Variants in XYLT1 observed in about 807,000 individuals in gnomAD.
The protein encoded by XYLT1 is beta-D-xylosyltransferase 1.
A neutral mutation model predicts 91.3 loss-of-function variants in XYLT1; 36 were observed. The ratio of observed to expected loss-of-function variants is 0.39; its 90% CI spans 0.30 to 0.52. The LOEUF (loss-of-function observed/expected upper bound fraction) is 0.52. XYLT1 is among the 20% of genes least tolerant of loss of function. XYLT1 has a pLI of 0.68. For synonymous variants in XYLT1, 588 were observed against 532.0 expected, an observed-to-expected ratio of 1.11 and a Z score of -1.45; for missense variants, 1,242 against 1,284.5, an observed-to-expected ratio of 0.97 and a Z score of 0.51.
intron 2 of XYLT1, among the ~76,000 whole-genome samples, chr16:17,320,718 G>A (rs1432537308): frequency 6.6e-6 from 1 of 151,276 alleles, no homozygotes; most frequent in African/African-American, 2.4e-5. Flanking sequence ...CTGACCTCGT[G>A]ATCTGCCCAC....
chr16:17,331,020 G>C (rs2034890059), intron 2 of XYLT1, among the ~76,000 whole-genome samples: 1 of 152,228 alleles, frequency 6.6e-6, no homozygotes, highest in Admixed American at 6.5e-5. Context: ...CACAAAGGGA[G>C]GGCTTATGCT....
At chr16:17,233,423 T>G (rs957282204) in intron 3 of XYLT1, among the ~76,000 whole-genome samples, 1 of 152,224 alleles carries the variant, frequency 6.6e-6, no homozygotes, top group Non-Finnish European at 1.5e-5. Context: ...TGATGGAGAC[T>G]TCTGACTGCG....
intron 3 of XYLT1, among the ~76,000 whole-genome samples, chr16:17,239,628 T>G (rs2033313689): frequency 7.0e-6 from 1 of 142,536 alleles, no homozygotes; most frequent in African/African-American, 2.6e-5. Flanking sequence ...TGCATCCCAT[T>G]CATCCATCCA....
intron 1 of XYLT1, among the ~76,000 whole-genome samples, chr16:17,452,303 T>A (rs1287997882): frequency 1.5e-5 from 2 of 130,468 alleles, no homozygotes; most frequent in Non-Finnish European, 3.1e-5. Context: ...CTCAGTTTTT[T>A]TCTTTTTTTT....
At chr16:17,239,652 CCCAT>C (rs1008427188) in intron 3 of XYLT1, among the ~76,000 whole-genome samples, 5 of 151,268 alleles carry the variant, frequency 3.3e-5, no homozygotes, top group South Asian at 2.1e-4. Flanking sequence ...ATCCGCCCAG[CCCAT>C]CCATCCATGT....
chr16:17,136,845 A>G (rs1381187920), intron 8 of XYLT1, among the ~76,000 whole-genome samples: 1 of 152,132 alleles, frequency 6.6e-6, no homozygotes, highest in Non-Finnish European at 1.5e-5. Flanking sequence ...CAATGTCCCC[A>G]GGATGCCGGG....
chr16:17,333,436 G>A (rs2034930480), intron 2 of XYLT1, among the ~76,000 whole-genome samples: 1 of 152,114 alleles, frequency 6.6e-6, no homozygotes, highest in Non-Finnish European at 1.5e-5. Flanking sequence ...CAGTAACCCT[G>A]TGTGGCTGGT....
intron 4 of XYLT1, 139 bp from the exon 5 acceptor site, chr16:17,198,553 T>G (rs1010026331): frequency 1.8e-5 from 13 of 730,296 alleles, no homozygotes; most frequent in Non-Finnish European, 2.9e-5. Flanking sequence ...AAGTAAATGA[T>G]CCTGGACTGG....
chr16:17,119,831 A>G (rs2029984133), intron 10 of XYLT1, among the ~76,000 whole-genome samples: 1 of 152,184 alleles, frequency 6.6e-6, no homozygotes, highest in South Asian at 2.1e-4. Flanking sequence ...TGTGCTACAT[A>G]TTGCCTTCCA....
rs113123020 is a variant in XYLT1, at chr16:17,210,237, C to T, written c.914-9583G>A. Among the ~76,000 whole-genome samples the T allele has an allele frequency of 6.6e-3, 997 of 152,152 alleles. 4 individuals carry two copies. Among genetic ancestry groups the T allele is most frequent in the Non-Finnish European group, 0.01 (699 of 68,012 alleles). On this transcript the variant is annotated intron_variant, in intron 3 of 11. Coordinates refer to ENST00000261381, the MANE Select transcript of XYLT1 (RefSeq NM_022166.4). Reference sequence around the variant, plus strand: ...TCTGTAGGCTGGCTGTGGTGGCTCACGCCTGTAATCCCAGCACTTTGGGAG... The same window carrying T: ...TCTGTAGGCTGGCTGTGGTGGCTCATGCCTGTAATCCCAGCACTTTGGGAG...
chr16:17,447,652 GGA>G (rs1178394710), intron 1 of XYLT1, among the ~76,000 whole-genome samples: 4 of 152,230 alleles, frequency 2.6e-5, no homozygotes, highest in Non-Finnish European at 5.9e-5. Flanking sequence ...CCAGGGAGAA[GGA>G]GAGAGGTGCT....
intron 2 of XYLT1, among the ~76,000 whole-genome samples, chr16:17,307,073 TTTG>T (rs560076174): frequency 0.017 from 2,568 of 151,892 alleles, 29 homozygotes; most frequent in Non-Finnish European, 0.026. Flanking sequence ...TTGTGGGGTT[TTTG>T]TTGTTGTTGT....
intron 1 of XYLT1, among the ~76,000 whole-genome samples, chr16:17,438,933 T>C (rs2036496982): frequency 6.6e-6 from 1 of 152,032 alleles, no homozygotes; most frequent in South Asian, 2.1e-4. Flanking sequence ...CATATCAGCA[T>C]CCAAGCTCAA....
At chr16:17,202,089 C>T (rs528064761) in intron 3 of XYLT1, among the ~76,000 whole-genome samples, 35 of 152,320 alleles carry the variant, frequency 2.3e-4, no homozygotes, top group African/African-American at 7.5e-4. Flanking sequence ...GATAAAAACA[C>T]AGCTTCCTAG....
In XYLT1 at chr16:17,452,351, C is replaced by T. The variant is rs117061726; in HGVS notation, c.363+18083G>A. ...AGTAACAGGGTCTCAGGCCTGGCAC[C>T]ATGGCTCACACCTATAATCCCAAAA... On this transcript the variant is annotated intron_variant, in intron 1 of 11. Transcript: ENST00000261381. Among the ~76,000 whole-genome samples, 719 of 149,052 alleles carry T rather than the reference C, an allele frequency of 4.8e-3. 3 individuals carry two copies. Among genetic ancestry groups the T allele is most frequent in the Non-Finnish European group, 7.7e-3 (520 of 67,550 alleles).
chr16:17,290,466 G>A (rs897888017), intron 2 of XYLT1, among the ~76,000 whole-genome samples: 1 of 152,262 alleles, frequency 6.6e-6, no homozygotes, highest in Non-Finnish European at 1.5e-5. Flanking sequence ...CAAGAACAAA[G>A]TGGAAGGAGA....
chr16:17,283,045 T>G (rs1005395340), intron 2 of XYLT1, among the ~76,000 whole-genome samples: 1 of 151,808 alleles, frequency 6.6e-6, no homozygotes, highest in African/African-American at 2.4e-5. Flanking sequence ...ACATATTGCA[T>G]GCATAGACCC....
At chr16:17,269,350 C>G (rs1406252496) in intron 2 of XYLT1, among the ~76,000 whole-genome samples, 1 of 151,676 alleles carries the variant, frequency 6.6e-6, no homozygotes, top group Non-Finnish European at 1.5e-5. Flanking sequence ...CTATACCCAG[C>G]TTTTTAAATT....
chr16:17,157,167 C>T (rs552019429), intron 6 of XYLT1, among the ~76,000 whole-genome samples: 3 of 152,176 alleles, frequency 2.0e-5, no homozygotes, highest in East Asian at 3.9e-4. Context: ...AGGCTGGCCT[C>T]GAACTCCAGA....
Sources: allele counts gnomAD v4.1 joint callset (sites outside exome capture counted in the v4.1 genomes callset), GRCh38; gene constraint gnomAD v4.1.1; transcripts MANE v1.5; gene names NCBI Gene and HGNC (gene_info 2026-07-23, HGNC 2026-07-21).